Variants in ECE1 observed in about 807,000 individuals in gnomAD.
ECE1 encodes the protein endothelin converting enzyme 1, also known as endothelin-converting enzyme 1.
In ECE1, 35 loss-of-function variants were observed where a neutral mutation model predicts 98.6. The ratio of observed to expected loss-of-function variants is 0.35; its 90% CI spans 0.27 to 0.47. ECE1 has a LOEUF of 0.47. ECE1 is among the 20% of genes least tolerant of loss of function. ECE1 has a pLI of 1.00. For missense variants in ECE1, 814 were observed against 1,025.3 expected (o/e 0.79, Z 2.81); for synonymous variants, 394 against 407.1 (o/e 0.97, Z 0.39).
At chr1:21,339,613 C>T (rs1639364733) in intron 1 of ECE1, among the ~76,000 whole-genome samples, 1 of 152,226 alleles carries the variant, frequency 6.6e-6, no homozygotes, top group Non-Finnish European at 1.5e-5. Context: ...CTCAGTCTTC[C>T]CACTTGTCAA....
rs2098172110 is a variant in ECE1, at chr1:21,225,066, GGT to G, written c.2040+182_2040+183del. 6.6e-6 allele frequency among the ~76,000 whole-genome samples: 1 copy of G among 152,200 alleles called. No homozygotes were observed. Among genetic ancestry groups the G allele is most frequent in the East Asian group, 1.9e-4 (1 of 5,188 alleles). On this transcript the variant is annotated intron_variant, in intron 17 of 18. Transcript: ENST00000374893. The surrounding 1 kb of genome is among the most constrained non-coding windows in gnomAD (Gnocchi z 5.3). ...AAAGCCTTCTGGTGCCAAGCCCTGT[GGT>G]GGGGGAGCCTCCACGGTCGGCATCG... is the stretch of plus-strand genomic sequence containing the variant.
intron 1 of ECE1, among the ~76,000 whole-genome samples, chr1:21,311,106 T>C (rs1475541210): frequency 6.6e-6 from 1 of 152,132 alleles, no homozygotes; most frequent in East Asian, 1.9e-4. Context: ...AATGAGAGAA[T>C]GTAGACAAAG....
chr1:21,320,382 T>C (rs1216801145), intron 1 of ECE1, among the ~76,000 whole-genome samples: 1 of 152,080 alleles, frequency 6.6e-6, no homozygotes, highest in East Asian at 1.9e-4. Context: ...GCACGTTGCC[T>C]GCAGGGCTCA....
At chr1:21,242,849 T>C (rs913078643) in intron 10 of ECE1, among the ~76,000 whole-genome samples, 8 of 152,224 alleles carry the variant, frequency 5.3e-5, no homozygotes, top group African/African-American at 1.9e-4. Flanking sequence ...CAGTCAGTGA[T>C]AGCTCGCTGC....
chr1:21,305,814 G>A (rs188279784), intron 1 of ECE1, among the ~76,000 whole-genome samples: 1 of 152,346 alleles, frequency 6.6e-6, no homozygotes, highest in Admixed American at 6.5e-5. Context: ...AATCTGAGCT[G>A]GAAAACAGCA....
At chr1:21,229,917 T>G (rs905189234) in intron 14 of ECE1, among the ~76,000 whole-genome samples, 2 of 152,170 alleles carry the variant, frequency 1.3e-5, no homozygotes, top group Non-Finnish European at 2.9e-5. Flanking sequence ...ATGCCTGTAA[T>G]CCTAGCACCT....
At position 21,238,254 on chromosome 1, in the gene ECE1, A is replaced by T. The variant is rs2098190939; in HGVS notation, c.1279-10T>A. The stretch of plus-strand genomic sequence containing the variant: ...AGCGAGGAAGACAGGTCTGGAAAAC[A>T]CAAGTCAGGGGGCTCGCTGGGCCCC... On this transcript the variant is annotated splice_polypyrimidine_tract_variant and intron_variant, in intron 10 of 18. Coordinates refer to ENST00000374893, the MANE Select transcript of ECE1 (RefSeq NM_001397.3). 1 of 1,611,082 alleles carries T rather than the reference A, an allele frequency of 6.2e-7. No individual in the cohort carries two copies.
At chr1:21,335,823 G>A (rs1429525261) in intron 1 of ECE1, among the ~76,000 whole-genome samples, 4 of 152,192 alleles carry the variant, frequency 2.6e-5, no homozygotes, top group African/African-American at 4.8e-5. Flanking sequence ...AGGGAGCTGG[G>A]AAGCTTCGAC....
At chr1:21,289,072 T>A (rs947338983) in intron 2 of ECE1, among the ~76,000 whole-genome samples, 1 of 152,032 alleles carries the variant, frequency 6.6e-6, no homozygotes, top group Non-Finnish European at 1.5e-5. Flanking sequence ...CTGAGTGGAG[T>A]GGGCCTGGCA....
intron 15 of ECE1, 69 bp from the exon 16 acceptor site, chr1:21,227,295 G>A: frequency 1.4e-6 from 2 of 1,461,454 alleles, no homozygotes; most frequent in South Asian, 1.1e-5. Flanking sequence ...GCTCAGGTAT[G>A]TGACCCTCAC....
chr1:21,260,349 T>C lies in ECE1; in HGVS notation c.537A>G (p.Gln179=). 1 of 1,614,244 alleles carries C rather than the reference T, an allele frequency of 6.2e-7. No individual in the cohort carries two copies. ...CGTTCATGCACGCACGGTAGTATACTTGCGCCTTTCTCTCTGCCTCGCTCA... is the reference window on the plus strand; with the variant it reads ...CGTTCATGCACGCACGGTAGTATACCTGCGCCTTTCTCTCTGCCTCGCTCA... ...ASVSEAERKA[Q]VYYRACMNET... The change falls in exon 5 of 19, where the codon CAA becomes CAG. Residue 179 remains glutamine (Q), a synonymous_variant. Transcript: ENST00000374893. The surrounding 1 kb of genome is among the most constrained non-coding windows in gnomAD (Gnocchi z 4.3).
chr1:21,296,007 G>A (rs1067239), intron 1 of ECE1, among the ~76,000 whole-genome samples: 14 of 152,150 alleles, frequency 9.2e-5, no homozygotes, highest in African/African-American at 3.1e-4. Context: ...GACATCCTGC[G>A]CAGGCCACCT....
intron 1 of ECE1, among the ~76,000 whole-genome samples, chr1:21,324,587 G>A (rs961024992): frequency 6.6e-6 from 1 of 150,758 alleles, no homozygotes; most frequent in Non-Finnish European, 1.5e-5. Flanking sequence ...CCCCACCCCC[G>A]CCCCTTTCCC....
At chr1:21,243,206 T>C (rs56093321) in intron 10 of ECE1, among the ~76,000 whole-genome samples, 2 of 152,164 alleles carry the variant, frequency 1.3e-5, no homozygotes, top group African/African-American at 4.8e-5. Flanking sequence ...ATCTGTAAAA[T>C]GGAAGAGGAT....
intron 1 of ECE1, among the ~76,000 whole-genome samples, chr1:21,338,772 G>T (rs1434795206): frequency 1.3e-5 from 2 of 152,206 alleles, no homozygotes; most frequent in African/African-American, 4.8e-5. Context: ...GCCTGGGAGC[G>T]GGCCATGTGC....
chr1:21,336,719 T>C (rs1480712026), intron 1 of ECE1, among the ~76,000 whole-genome samples: 1 of 152,162 alleles, frequency 6.6e-6, no homozygotes, highest in African/African-American at 2.4e-5. Flanking sequence ...GGCGGGCACC[T>C]GTAGTCCCAG....
chr1:21,332,372 G>GTACT (rs1639216084), intron 1 of ECE1, among the ~76,000 whole-genome samples: 1 of 151,792 alleles, frequency 6.6e-6, no homozygotes, highest in Admixed American at 6.6e-5. Context: ...GGCACTTAGT[G>GTACT]TACTGCAGGC....
intron 4 of ECE1, among the ~76,000 whole-genome samples, chr1:21,263,337 C>A (rs866726301): frequency 2.0e-5 from 3 of 150,944 alleles, no homozygotes; most frequent in Admixed American, 6.6e-5. Context: ...GGATGCCCAC[C>A]TAAGGTTTCC....
rs1256805707 is a variant in ECE1 at position 21,225,349 on chromosome 1, C to T, written c.1941G>A (p.Glu647=). ...AFKRQTECMV[E]QYSNYSVNGE... is the part of the protein sequence containing the mutation. ...CGTTCACGCTGTAGTTGCTGTACTGCTCTACCATGCACTCGGTCTGACGCT... is the reference window on the plus strand; with the variant it reads ...CGTTCACGCTGTAGTTGCTGTACTGTTCTACCATGCACTCGGTCTGACGCT... Residue 647 remains glutamate, a synonymous_variant, in exon 17 of 19, where the codon GAG becomes GAA. Coordinates refer to ENST00000374893, the MANE Select transcript of ECE1 (RefSeq NM_001397.3). This position sits in a 1 kb window ranked among gnomAD's most constrained non-coding sequence, Gnocchi z 5.3. The T allele has an allele frequency of 6.2e-7, 1 of 1,614,236 alleles. No homozygotes were observed. Among genetic ancestry groups the T allele is most frequent in the South Asian group, 1.1e-5 (1 of 91,088 alleles).
Sources: allele counts gnomAD v4.1 joint callset (sites outside exome capture counted in the v4.1 genomes callset), GRCh38; gene constraint gnomAD v4.1.1; non-coding constraint Gnocchi (gnomAD v3.1); transcripts MANE v1.5; gene names NCBI Gene and HGNC (gene_info 2026-07-23, HGNC 2026-07-21).